Variants in REV3L observed in about 807,000 individuals in gnomAD.
REV3L encodes DNA polymerase zeta catalytic subunit.
Under a neutral mutation model 299.4 loss-of-function variants are expected in REV3L, and 69 were observed. That is an observed-to-expected ratio of 0.23 (90% CI 0.19 to 0.28). The LOEUF is 0.28. Ranked by LOEUF, REV3L falls within the 10% of genes least tolerant of loss-of-function variation. The pLI, the probability that REV3L is intolerant of heterozygous loss-of-function variation, is 1.00. For synonymous variants in REV3L, 1,238 were observed against 1,271.4 expected (o/e 0.97, Z 0.56); for missense variants, 3,128 against 3,693.8 (o/e 0.85, Z 3.97).
chr6:111,483,693 G>C (rs368958389), upstream of REV3L: 1 of 385,682 alleles, frequency 2.6e-6, no homozygotes, highest in African/African-American at 2.2e-5. Context: ...CGTGAGGAGG[G>C]AGGCGAGGCG....
In REV3L at chr6:111,367,628, C is replaced by T. The variant is rs1042216546; in HGVS notation, c.6160G>A (p.Asp2054Asn). The T allele has an allele frequency of 1.2e-6, 2 of 1,614,020 alleles. No individual in the cohort carries two copies. The highest frequency in any genetic ancestry group is 1.7e-6 in the Non-Finnish European group (2 of 1,180,036). ...DDKPVVPPKM[D>N]VSPCILPTTA... ...GTGGGGAGTATACATGGACTTACAT[C>T]CATTTTTGGAGGCACTACAGGTTTG... The change falls in exon 14 of 32, where the codon GAT (aspartate) becomes AAT (asparagine). Residue 2054 changes from aspartate to asparagine, a missense_variant. Around this residue, in one of 9 missense-constraint regions of REV3L, gnomAD observed 2,409 missense variants for 2,611.8 expected, o/e 0.92. Coordinates refer to ENST00000368802, the MANE Select transcript of REV3L (RefSeq NM_001372078.1).
intron 20 of REV3L, among the ~76,000 whole-genome samples, chr6:111,346,525 C>T (rs572230249): frequency 7.9e-5 from 12 of 152,270 alleles, no homozygotes; most frequent in African/African-American, 2.9e-4. Flanking sequence ...TGCTTTATCT[C>T]TCAGGCTATT....
chr6:111,373,645 T>C lies in REV3L; in HGVS notation c.4710A>G (p.Ala1570=). 6.2e-7 allele frequency: 1 copy of C among 1,614,184 alleles called. No homozygotes were observed. The highest frequency in any genetic ancestry group is 2.2e-5 in the East Asian group (1 of 44,880). ...ACGTTACCGATCGTGTCCGTTTATT[T>C]GCTTTGTTATGCTCAAGGGAACCAG... ...NISGSLEHNK[A]NKRTRSVTSP... is the part of the protein sequence containing the mutation. The change falls in exon 13 of 32, where the codon GCA becomes GCG. Residue 1570 remains alanine (A), a synonymous_variant. Transcript: ENST00000368802.
chr6:111,443,914 T>A (rs1188510499), intron 1 of REV3L, among the ~76,000 whole-genome samples: 1 of 152,198 alleles, frequency 6.6e-6, no homozygotes, highest in African/African-American at 2.4e-5. Context: ...TCTTAATTGT[T>A]TTATAAAAAG....
At position 111,334,216 on chromosome 6, in the gene REV3L, G is replaced by GT. The variant is rs1367468368; in HGVS notation, c.7681-850dup. ...GCCTCCTAAACTGCTGGGATTACAG[G>GT]TGTGAGCCACTGCACCTGGCCCTCT... is the stretch of plus-strand genomic sequence containing the variant. On this transcript the variant is annotated intron_variant, in intron 22 of 31. Transcript: ENST00000368802. Among the ~76,000 whole-genome samples the GT allele has an allele frequency of 3.9e-5, 6 of 152,328 alleles. No individual in the cohort carries two copies. The East Asian group carries it at 1.2e-3, about 29-fold the overall frequency.
intron 1 of REV3L, among the ~76,000 whole-genome samples, chr6:111,479,319 T>A (rs1793325199): frequency 6.6e-6 from 1 of 152,200 alleles, no homozygotes; most frequent in Non-Finnish European, 1.5e-5. Flanking sequence ...TTTGATTATG[T>A]CAAAATAATG....
chr6:111,427,095 C>A (rs575747258), intron 1 of REV3L, among the ~76,000 whole-genome samples: 1 of 152,100 alleles, frequency 6.6e-6, no homozygotes, highest in South Asian at 2.1e-4. Context: ...CAATTTAAAG[C>A]AATATCAAAA....
rs1775194771 is a variant in REV3L, at chr6:111,329,717, G to A, written c.8056C>T (p.Leu2686=). The change falls in exon 25 of 32, where the codon CTA becomes TTA. Residue 2686 remains leucine, a synonymous_variant. Coordinates refer to ENST00000368802, the MANE Select transcript of REV3L (RefSeq NM_001372078.1). The part of the protein sequence containing the change: ...FVKPSVRKGV[L]PRMLEEILKT... ...AAAATTTCTTCAAGCATTCTTGGTA[G>A]TACACCTTTTCTTACTGAAGGCTAT... The A allele has an allele frequency of 4.3e-6, 7 of 1,613,012 alleles. No individual in the cohort carries two copies. In the South Asian group the frequency reaches 6.6e-5, roughly 15 times the overall value.
At chr6:111,398,980 A>C (rs1311853474) in intron 4 of REV3L, among the ~76,000 whole-genome samples, 1 of 152,142 alleles carries the variant, frequency 6.6e-6, no homozygotes, top group African/African-American at 2.4e-5. Flanking sequence ...CAACCTAATA[A>C]ATTTCACATG....
chr6:111,342,264 C>A (rs1776567558), intron 21 of REV3L, among the ~76,000 whole-genome samples: 1 of 152,044 alleles, frequency 6.6e-6, no homozygotes, highest in African/African-American at 2.4e-5. Context: ...GCTATCTGCC[C>A]CAGGGGGAGG....
intron 19 of REV3L, among the ~76,000 whole-genome samples, chr6:111,350,961 T>C (rs1777518194): frequency 6.6e-6 from 1 of 152,114 alleles, no homozygotes; most frequent in Non-Finnish European, 1.5e-5. Flanking sequence ...TTTCCTAAAG[T>C]ATACACTACT....
At chr6:111,393,087 G>C in intron 4 of REV3L, 115 bp from the exon 5 acceptor site, 1 of 615,548 alleles carries the variant, frequency 1.6e-6, no homozygotes, top group Non-Finnish European at 2.8e-6. Context: ...GCCCAGGCTG[G>C]AGTACAGTGG....
intron 31 of REV3L, among the ~76,000 whole-genome samples, chr6:111,304,850 T>G (rs564276481): frequency 6.6e-6 from 1 of 152,172 alleles, no homozygotes; most frequent in Non-Finnish European, 1.5e-5. Context: ...GAACATGCAG[T>G]ATTTGGTTTT....
chr6:111,429,020 T>C (rs181553012), intron 1 of REV3L, among the ~76,000 whole-genome samples: 138 of 152,246 alleles, frequency 9.1e-4, no homozygotes, highest in African/African-American at 3.2e-3. Flanking sequence ...GTGCTCCAAC[T>C]TGTCTGGCAA....
At chr6:111,430,591 A>T in intron 1 of REV3L, 1 of 1,549,544 alleles carries the variant, frequency 6.5e-7, no homozygotes, top group Non-Finnish European at 8.9e-7. Context: ...ACTCAAAAGC[A>T]GGAAGACAGA....
chr6:111,357,675 A>G (rs774901380), intron 17 of REV3L, among the ~76,000 whole-genome samples: 2 of 152,112 alleles, frequency 1.3e-5, no homozygotes, highest in Non-Finnish European at 2.9e-5. Flanking sequence ...CCTGGGCAAC[A>G]GAGCGAGACT....
chr6:111,456,827 T>TC (rs1294218924), intron 1 of REV3L, among the ~76,000 whole-genome samples: 2 of 152,134 alleles, frequency 1.3e-5, no homozygotes, highest in African/African-American at 2.4e-5. Context: ...GTATCTTGCT[T>TC]CCCTTTGCAG....
intron 5 of REV3L, among the ~76,000 whole-genome samples, chr6:111,391,826 A>G (rs748820092): frequency 6.6e-5 from 10 of 152,170 alleles, no homozygotes; most frequent in African/African-American, 2.4e-4. Flanking sequence ...CACCTCTACA[A>G]AAATTTTTAA....
At chr6:111,438,900 G>A (rs1474905145) in intron 1 of REV3L, among the ~76,000 whole-genome samples, 1 of 151,002 alleles carries the variant, frequency 6.6e-6, no homozygotes, top group East Asian at 1.9e-4. Context: ...GAAGTCAGTG[G>A]AGCAACATCT....
Sources: gnomAD v4.1 joint callset for allele counts (sites outside exome capture counted in the v4.1 genomes callset) on GRCh38, gnomAD v4.1.1 for gene constraint, gnomAD v4.1.1 regional missense constraint, MANE v1.5 for transcripts, NCBI Gene and HGNC (gene_info 2026-07-23, HGNC 2026-07-21) for gene names.